Variants in DENND1B observed in about 807,000 individuals in gnomAD.
DENND1B encodes the protein DENN domain containing 1B.
A neutral mutation model predicts 90.1 loss-of-function variants in DENND1B; 59 were observed. The ratio of observed to expected loss-of-function variants is 0.65; its 90% confidence interval spans 0.53 to 0.81. The LOEUF (loss-of-function observed/expected upper bound fraction) is 0.81, where lower values mean the gene tolerates loss of function less well. Ranked by LOEUF, DENND1B falls within the 40% of genes least tolerant of loss-of-function variation. DENND1B has a pLI of 0.00. For synonymous variants in DENND1B, 337 were observed against 324.6 expected (o/e 1.04, Z -0.41); for missense variants, 862 against 912.6 (o/e 0.94, Z 0.71).
At chr1:197,589,935 A>G (rs1675041599) in intron 14 of DENND1B, among the ~76,000 whole-genome samples, 1 of 152,192 alleles carries the variant, frequency 6.6e-6, no homozygotes, top group South Asian at 2.1e-4. Context: ...ATACTAAACA[A>G]TATTTTAACT....
At chr1:197,674,047 A>C (rs537228477) in intron 4 of DENND1B, 73 bp downstream of exon 4, 321 of 1,068,960 alleles carry the variant, frequency 3.0e-4, no homozygotes, top group Middle Eastern at 2.8e-3. Context: ...ATTTTATAAA[A>C]AAGCACATGT....
At chr1:197,717,069 A>G (rs886523526) in intron 2 of DENND1B, among the ~76,000 whole-genome samples, 1 of 151,950 alleles carries the variant, frequency 6.6e-6, no homozygotes, top group African/African-American at 2.4e-5. Context: ...TTTACCCTTC[A>G]GCACGCAAAA....
chr1:197,760,659 A>T (rs1387894695), intron 2 of DENND1B, among the ~76,000 whole-genome samples: 1 of 151,794 alleles, frequency 6.6e-6, no homozygotes, highest in Non-Finnish European at 1.5e-5. Flanking sequence ...AAAAAAAAAA[A>T]ATTACCCACA....
At chr1:197,670,800 T>C (rs1198013281) in intron 5 of DENND1B, among the ~76,000 whole-genome samples, 2 of 152,048 alleles carry the variant, frequency 1.3e-5, no homozygotes, top group East Asian at 1.9e-4. Context: ...TTGCCCACAC[T>C]GTCATCTCCA....
intron 15 of DENND1B, among the ~76,000 whole-genome samples, chr1:197,570,262 C>T (rs1002098802): frequency 6.6e-6 from 1 of 151,718 alleles, no homozygotes; most frequent in Non-Finnish European, 1.5e-5. Context: ...CAGGCTATAC[C>T]ATGGTTACTG....
In DENND1B at chr1:197,505,192, G is replaced by T. The variant is rs1667674196; in HGVS notation, c.*5268C>A. On this transcript the variant is annotated 3_prime_UTR_variant, in exon 23 of 23. Transcript: ENST00000620048. ...AAGTACTAAACTACAACAGACTCAA[G>T]AAATCCACTTTTTCAAATATGATTA... 1 of 151,698 alleles carries T rather than the reference G, an allele frequency of 6.6e-6. No individual in the cohort carries two copies. Among genetic ancestry groups the T allele is most frequent in the East Asian group, 1.9e-4 (1 of 5,154 alleles). The allele number at this position is 151,698 out of a possible 1,614,324, so 9.4% of individuals were successfully genotyped here. A position where few individuals can be genotyped will look rare whatever the true frequency, so the allele number is the denominator to read the frequency against.
rs1558187238 is a variant in DENND1B, at chr1:197,511,709, T to C, written c.1815+19A>G. The C allele has an allele frequency of 2.0e-6, 3 of 1,537,766 alleles. No individual in the cohort carries two copies. The highest frequency in any genetic ancestry group is 8.8e-7 in the Non-Finnish European group (1 of 1,136,078). ...GAATATTTTCTTCTAATTTTATAAG[T>C]AAAAAAAAATCTACTAACCGTAGGT... On this transcript the variant is annotated intron_variant, in intron 22 of 22. Transcript: ENST00000620048.
At chr1:197,618,728 T>C (rs993389676) in intron 10 of DENND1B, among the ~76,000 whole-genome samples, 2 of 151,152 alleles carry the variant, frequency 1.3e-5, no homozygotes, top group African/African-American at 4.8e-5. Flanking sequence ...ATAGTCTGTA[T>C]TTCAAGGTTA....
intron 20 of DENND1B, among the ~76,000 whole-genome samples, chr1:197,520,610 G>T (rs532129053): frequency 2.4e-4 from 37 of 151,866 alleles, no homozygotes; most frequent in Non-Finnish European, 4.0e-4. Flanking sequence ...CATTAACACT[G>T]GTTATTTCAC....
intron 15 of DENND1B, among the ~76,000 whole-genome samples, chr1:197,575,923 G>T (rs745684301): frequency 7.2e-5 from 11 of 152,100 alleles, no homozygotes; most frequent in Non-Finnish European, 1.6e-4. Context: ...ACACACCAGG[G>T]CCTGTTGGCA....
chr1:197,715,103 C>T (rs779023994), intron 2 of DENND1B, 29 bp from the exon 3 acceptor site: 1 of 1,593,094 alleles, frequency 6.3e-7, no homozygotes, highest in African/African-American at 1.3e-5. Flanking sequence ...TATAATTAAA[C>T]AGCAGCAAAA....
intron 2 of DENND1B, among the ~76,000 whole-genome samples, chr1:197,729,688 A>G (rs930907382): frequency 2.6e-5 from 4 of 152,168 alleles, no homozygotes; most frequent in African/African-American, 9.6e-5. Flanking sequence ...ACGTGTTTTT[A>G]GTTAGCCCCC....
chr1:197,571,159 T>C lies in DENND1B; in HGVS notation c.1149+11993A>G, dbSNP rs75157614. Among the ~76,000 whole-genome samples the C allele has an allele frequency of 5.9e-3, 895 of 152,250 alleles. 13 individuals are homozygous for C. Among genetic ancestry groups the C allele is most frequent in the African/African-American group, 0.02 (837 of 41,550 alleles). Reference sequence around the variant, plus strand: ...CTGGACAACTGAAAAAGCCTCATAATTGGACTTTTGCCACCTCTCTCTCCT... The same window carrying C: ...CTGGACAACTGAAAAAGCCTCATAACTGGACTTTTGCCACCTCTCTCTCCT... On this transcript the variant is annotated intron_variant, in intron 15 of 22. Coordinates refer to ENST00000620048, the MANE Select transcript of DENND1B (RefSeq NM_001195215.2).
chr1:197,598,517 T>C (rs914406629), intron 13 of DENND1B, among the ~76,000 whole-genome samples: 4 of 151,830 alleles, frequency 2.6e-5, no homozygotes, highest in African/African-American at 9.7e-5. Context: ...ATAAAAATGA[T>C]GGGGTCTGTC....
At chr1:197,739,018 A>G (rs923907227) in intron 2 of DENND1B, among the ~76,000 whole-genome samples, 5 of 152,228 alleles carry the variant, frequency 3.3e-5, no homozygotes, top group African/African-American at 1.2e-4. Flanking sequence ...GGAGAGCTGC[A>G]GAAGGTTCAC....
At chr1:197,598,651 A>G (rs1675923883) in intron 13 of DENND1B, among the ~76,000 whole-genome samples, 1 of 151,802 alleles carries the variant, frequency 6.6e-6, no homozygotes, top group South Asian at 2.1e-4. Context: ...CTCACACATA[A>G]CTCTGAATTC....
intron 2 of DENND1B, among the ~76,000 whole-genome samples, chr1:197,716,152 A>G (rs996692721): frequency 2.6e-5 from 4 of 151,856 alleles, no homozygotes; most frequent in Non-Finnish European, 4.4e-5. Flanking sequence ...ATACATATAT[A>G]TTTCAAAATT....
chr1:197,726,532 G>A (rs116311213), intron 2 of DENND1B, among the ~76,000 whole-genome samples: 2,455 of 152,296 alleles, frequency 0.016, 67 homozygotes, highest in African/African-American at 0.056. Flanking sequence ...ACCAAAGTCA[G>A]AAGCATAATC....
chr1:197,544,871 G>A (rs1340085362), intron 18 of DENND1B, among the ~76,000 whole-genome samples: 1 of 147,386 alleles, frequency 6.8e-6, no homozygotes, highest in African/African-American at 2.5e-5. Context: ...AGGAGGAGAA[G>A]GAGATGAAGA....
Sources: allele counts gnomAD v4.1 joint callset (sites outside exome capture counted in the v4.1 genomes callset), GRCh38; gene constraint gnomAD v4.1.1; transcripts MANE v1.5; gene names NCBI Gene and HGNC (gene_info 2026-07-23, HGNC 2026-07-21).